HAS2: variants seen among roughly 807,000 people sequenced by gnomAD.
The protein encoded by HAS2 is HA synthase 2.
HAS2 carries 16 observed loss-of-function variants against 51.6 expected under a neutral mutation model. The ratio of observed to expected loss-of-function variants is 0.31; its 90% CI spans 0.21 to 0.47. The LOEUF (loss-of-function observed/expected upper bound fraction) is 0.47. HAS2 is among the 20% of genes least tolerant of loss of function. The pLI is 1.00. For missense variants in HAS2, 361 were observed against 662.6 expected (o/e 0.54, Z 5.00); for synonymous variants, 228 against 235.5 (o/e 0.97, Z 0.29).
chr8:121,615,075 A>C (rs762280216), intron 3 of HAS2, 37 bp from the exon 4 acceptor site: 1 of 1,480,308 alleles, frequency 6.8e-7, no homozygotes, highest in East Asian at 2.3e-5. Flanking sequence ...GGTAAGCTTT[A>C]GCTAAAAATT....
chr8:121,632,822 GTTTC>G (rs1188195127), intron 1 of HAS2, among the ~76,000 whole-genome samples: 1 of 152,010 alleles, frequency 6.6e-6, no homozygotes, highest in Non-Finnish European at 1.5e-5. Context: ...AGTGGGGCAA[GTTTC>G]TTTTTTTAAG....
At chr8:121,629,892 C>A (rs555938757) in intron 1 of HAS2, among the ~76,000 whole-genome samples, 24 of 152,292 alleles carry the variant, frequency 1.6e-4, no homozygotes, top group Non-Finnish European at 2.8e-4. Flanking sequence ...ATACTGGGTT[C>A]TAGTACTAGC....
intron 2 of HAS2, among the ~76,000 whole-genome samples, chr8:121,623,559 C>G (rs1418090180): frequency 6.6e-6 from 1 of 152,142 alleles, no homozygotes; most frequent in African/African-American, 2.4e-5. Flanking sequence ...ATTCTGATAT[C>G]CCTTTTTCTT....
intron 1 of HAS2, among the ~76,000 whole-genome samples, chr8:121,635,128 T>C (rs1812991654): frequency 6.6e-6 from 1 of 152,204 alleles, no homozygotes; most frequent in African/African-American, 2.4e-5. Context: ...AAGTCAGTTA[T>C]ACTAGTGTTC....
At chr8:121,622,341 A>C (rs1287629166) in intron 2 of HAS2, among the ~76,000 whole-genome samples, 2 of 152,110 alleles carry the variant, frequency 1.3e-5, no homozygotes, top group African/African-American at 4.8e-5. Flanking sequence ...AGGCCTTGGA[A>C]TCAAATTCAT....
rs10089164 is a variant in HAS2 at position 121,638,674 on chromosome 8, T to A, written c.-1+2179A>T. 8.5e-3 allele frequency among the ~76,000 whole-genome samples: 1,301 copies of A among 152,296 alleles called. 21 individuals carry two copies. The highest frequency in any genetic ancestry group is 0.029 in the African/African-American group (1,226 of 41,566). ...GGTAACTTAAAGTGTTAAATTGTCA[T>A]TGAAAATGTAAAAGAATCGCCAAAC... is the stretch of plus-strand genomic sequence containing the variant. On this transcript the variant is annotated intron_variant, in intron 1 of 3. Coordinates refer to ENST00000303924, the MANE Select transcript of HAS2 (RefSeq NM_005328.3).
chr8:121,629,077 G>T lies in HAS2; in HGVS notation c.264C>A (p.Cys88Ter). The T allele has an allele frequency of 6.2e-7, 1 of 1,614,104 alleles. No individual in the cohort carries two copies. The highest frequency in any genetic ancestry group is 8.5e-7 in the Non-Finnish European group (1 of 1,179,984). ...CTGGATCTTCTTGATAGGCAGCGATGCAAAGGGCAACTGTTTTGTTCAACT... is the reference window on the plus strand; with the variant it reads ...CTGGATCTTCTTGATAGGCAGCGATTCAAAGGGCAACTGTTTTGTTCAACT... The part of the protein sequence containing the change: ...PIKLNKTVAL[C>*]IAAYQEDPDY... The change falls in exon 2 of 4, where the codon TGC becomes TGA. Residue 88 changes from cysteine to a stop codon, truncating the protein, a stop_gained. Coordinates refer to ENST00000303924, the MANE Select transcript of HAS2 (RefSeq NM_005328.3). LOFTEE classifies it high-confidence loss of function.
chr8:121,624,370 C>A (rs547601638), intron 2 of HAS2, among the ~76,000 whole-genome samples: 1 of 152,296 alleles, frequency 6.6e-6, no homozygotes, highest in East Asian at 1.9e-4. Flanking sequence ...CTTGTCTGAC[C>A]TCAGCTGGAA....
At position 121,640,918 on chromosome 8, in the gene HAS2, G is replaced by A. The variant is rs1813085971; in HGVS notation, c.-66C>T. ...TGTGTGGTCCCGGAGGGTCGGTGGC[G>A]GGCAGTTTCCAAAATTGAGGTAATA... is the stretch of plus-strand genomic sequence containing the variant. On this transcript the variant is annotated 5_prime_UTR_variant, in exon 1 of 4. Transcript: ENST00000303924. 1 of 151,672 alleles carries A rather than the reference G, an allele frequency of 6.6e-6. No homozygotes were observed. The highest frequency in any genetic ancestry group is 1.5e-5 in the Non-Finnish European group (1 of 67,980). 9.4% of individuals were successfully genotyped at this position (151,672 alleles called of 1,614,324 possible).
At chr8:121,634,519 T>C (rs1360767377) in intron 1 of HAS2, among the ~76,000 whole-genome samples, 1 of 150,668 alleles carries the variant, frequency 6.6e-6, no homozygotes, top group Non-Finnish European at 1.5e-5. Context: ...ACATACTCTA[T>C]GGCCAGGGGA....
intron 1 of HAS2, among the ~76,000 whole-genome samples, chr8:121,633,343 C>T (rs756799260): frequency 1.8e-4 from 28 of 152,032 alleles, no homozygotes; most frequent in Admixed American, 5.9e-4. Context: ...TGGGTTTCAC[C>T]GTGTTGGCCA....
chr8:121,639,107 GAAGT>G (rs1360742508), intron 1 of HAS2, among the ~76,000 whole-genome samples: 6 of 152,214 alleles, frequency 3.9e-5, no homozygotes, highest in Admixed American at 6.5e-5. Flanking sequence ...AATGAGCAGT[GAAGT>G]TGTCTCCCTC....
chr8:121,617,135 G>A lies in HAS2; in HGVS notation c.699C>T (p.Pro233=). ...CATCTCCCCCAACACCTCCAACCAT[G>A]GGATCTTCTTCTAAAACTTTTACCA... ...VEMVKVLEED[P]MVGGVGGDVQ... is the part of the protein sequence containing the mutation. The change falls in exon 3 of 4, where the codon CCC becomes CCT. Residue 233 remains proline, a synonymous_variant. Transcript: ENST00000303924. 1 of 1,609,762 alleles carries A rather than the reference G, an allele frequency of 6.2e-7. No individual in the cohort carries two copies. The highest frequency in any genetic ancestry group is 1.3e-5 in the African/African-American group (1 of 74,924).
intron 1 of HAS2, among the ~76,000 whole-genome samples, chr8:121,637,930 T>G (rs1273742189): frequency 6.6e-6 from 1 of 152,198 alleles, no homozygotes; most frequent in Non-Finnish European, 1.5e-5. Context: ...CTCATTACTT[T>G]AACTCAGGGA....
Position 121,613,062 on chromosome 8 carries a change from A to G in HAS2, c.*1047T>C, listed in dbSNP as rs1431251810. The G allele has an allele frequency of 2.0e-5, 3 of 152,142 alleles. No individual in the cohort carries two copies. The highest frequency in any genetic ancestry group is 7.2e-5 in the African/African-American group (3 of 41,446). 9.4% of individuals were successfully genotyped at this position (152,142 alleles called of 1,614,324 possible). ...ATTGTATGTGTCCAAAATTATACAG[A>G]TAATTTCTCCACTTTCCACTTGACT... On this transcript the variant is annotated 3_prime_UTR_variant, in exon 4 of 4. Transcript: ENST00000303924.
At chr8:121,640,550 T>C (rs1813079791) in intron 1 of HAS2, among the ~76,000 whole-genome samples, 1 of 151,850 alleles carries the variant, frequency 6.6e-6, no homozygotes, top group South Asian at 2.1e-4. Context: ...CTCCGGAAGA[T>C]GCAAAATGGA....
At chr8:121,622,268 C>T (rs1487001196) in intron 2 of HAS2, among the ~76,000 whole-genome samples, 1 of 152,052 alleles carries the variant, frequency 6.6e-6, no homozygotes, top group Admixed American at 6.6e-5. Context: ...CCCTGAACTC[C>T]TACCAGTACA....
chr8:121,627,221 A>G (rs1812866593), intron 2 of HAS2, among the ~76,000 whole-genome samples: 2 of 152,226 alleles, frequency 1.3e-5, no homozygotes, highest in Admixed American at 6.5e-5. Context: ...TTCATTTTTC[A>G]TATCCTCTAT....
At chr8:121,623,527 C>T (rs10089014) in intron 2 of HAS2, among the ~76,000 whole-genome samples, 46,910 of 151,996 alleles carry the variant, frequency 0.31, 7,743 homozygotes, top group African/African-American at 0.42. Flanking sequence ...GTGAGACACA[C>T]GATAGTAACC....
Sources: allele counts gnomAD v4.1 joint callset (sites outside exome capture counted in the v4.1 genomes callset), GRCh38; gene constraint gnomAD v4.1.1; transcripts MANE v1.5; gene names NCBI Gene and HGNC (gene_info 2026-07-23, HGNC 2026-07-21).